The following SP110 variants were observed in gnomAD, a reference collection of about 807,000 sequenced individuals.
SP110 encodes SP110 nuclear body protein, also known as interferon-induced protein 41, 30kD.
In SP110, 62 loss-of-function variants were observed where a neutral mutation model predicts 92.7. That is an observed-to-expected ratio of 0.67 (90% CI 0.55 to 0.83). The LOEUF (loss-of-function observed/expected upper bound fraction) is 0.83, where lower values mean the gene tolerates loss of function less well. Among genes scored for constraint, SP110 ranks in the 40% least tolerant of loss-of-function variants. The probability of loss-of-function intolerance (pLI) is 0.00; values close to 1 mark genes in which losing one functional copy is unlikely to be tolerated. For missense variants in SP110, 793 were observed against 863.9 expected (o/e 0.92, Z 1.03); for synonymous variants, 273 against 305.3 (o/e 0.89, Z 1.10).
intron 8 of SP110, 137 bp downstream of exon 8, chr2:230,207,854 T>C (rs41309106): frequency 0.062 from 40,761 of 659,236 alleles, 1,578 homozygotes; most frequent in Middle Eastern, 0.1. Context: ...GAGCTTACAT[T>C]GTGTCACTTC....
intron 11 of SP110, among the ~76,000 whole-genome samples, chr2:230,184,919 T>G (rs2042287164): frequency 6.6e-6 from 1 of 152,238 alleles, no homozygotes; most frequent in Admixed American, 6.5e-5. Context: ...ACTGCCTGTT[T>G]ATGTAAATAA....
intron 10 of SP110, among the ~76,000 whole-genome samples, chr2:230,199,415 G>A (rs998422567): frequency 6.6e-6 from 1 of 151,408 alleles, no homozygotes; most frequent in African/African-American, 2.4e-5. Context: ...CATCATGCTG[G>A]CCAGGCTGGT....
In SP110 at chr2:230,211,946, C is replaced by A. The variant is rs1474717988; in HGVS notation, c.668-393G>T. 1.3e-5 allele frequency among the ~76,000 whole-genome samples: 2 copies of A among 152,104 alleles called. No homozygotes were observed. Among genetic ancestry groups the A allele is most frequent in the Non-Finnish European group, 2.9e-5 (2 of 68,018 alleles). On this transcript the variant is annotated intron_variant, in intron 5 of 18. Transcript: ENST00000258381. This position sits in a 1 kb window ranked among gnomAD's most constrained non-coding sequence, Gnocchi z 4.2. The stretch of plus-strand genomic sequence containing the variant: ...CATTATGATGATGGTTTGGGGAGGA[C>A]AAGTGATACAATTTGAGAAGCTAAA...
chr2:230,169,999 G>T (rs1488526541), intron 18 of SP110, among the ~76,000 whole-genome samples: 1 of 152,112 alleles, frequency 6.6e-6, no homozygotes, highest in African/African-American at 2.4e-5. Context: ...GAAGGAAGCT[G>T]GGTGGAGATG....
At chr2:230,203,045 C>A in intron 8 of SP110, 1 of 399,514 alleles carries the variant, frequency 2.5e-6, no homozygotes, top group Non-Finnish European at 4.7e-6. Flanking sequence ...GAGGTGGCCA[C>A]ACAGTCTCGT....
chr2:230,221,917 A>T (rs1009031198), upstream of SP110: 5 of 610,180 alleles, frequency 8.2e-6, no homozygotes, highest in African/African-American at 1.8e-5. Flanking sequence ...AGGATGAAAG[A>T]TGTTTATTCT....
intron 3 of SP110, among the ~76,000 whole-genome samples, chr2:230,214,722 T>C (rs1050715014): frequency 6.6e-6 from 1 of 152,216 alleles, no homozygotes; most frequent in Non-Finnish European, 1.5e-5. Context: ...TCCAAATTCA[T>C]AGAACACATA....
In SP110 at chr2:230,214,957, G is replaced by C. The variant is rs1368025095; in HGVS notation, c.309C>G (p.Phe103Leu). The change falls in exon 3 of 19, where the codon TTC (phenylalanine) becomes TTG (leucine). Residue 103 changes from phenylalanine (F) to leucine (L), a missense_variant. Phe to Leu is a conservative substitution (Grantham distance 22). Coordinates refer to ENST00000258381, the MANE Select transcript of SP110 (RefSeq NM_080424.4). ...CTTGAGAAATCTCATTACCACGTTT[G>C]AAGCTTCTGTAAATCGTCACCAGAT... The part of the protein sequence containing the change: ...YPNLVTIYRS[F>L]KRVGASYEWQ... 1 of 1,613,800 alleles carries C rather than the reference G, an allele frequency of 6.2e-7. No individual in the cohort carries two copies. Among genetic ancestry groups the C allele is most frequent in the Non-Finnish European group, 8.5e-7 (1 of 1,179,788 alleles).
In SP110 at chr2:230,212,794, G is replaced by T. The variant is rs750052870; in HGVS notation, c.550C>A (p.Pro184Thr). 1 of 1,614,060 alleles carries T rather than the reference G, an allele frequency of 6.2e-7. No individual in the cohort carries two copies. The highest frequency in any genetic ancestry group is 2.2e-5 in the East Asian group (1 of 44,894). Residue 184 changes from proline (P) to threonine (T), a missense_variant, in exon 4 of 19, where the codon CCT becomes ACT. Transcript: ENST00000258381. ...PSPSDPVLPL[P>T]ALIQEGRSTS... ...CTTCTTCCTTCCTGGATGAGTGCAG[G>T]GAGAGGCAGGACAGGGTCAGATGGG...
In SP110 at chr2:230,165,598, A is replaced by T. The variant is rs1347679467; in HGVS notation, c.*3526T>A. ...GAGTAAAAGCAAAAAAATTAATACT[A>T]ATTCATGTCTGTATTTCAAGAGAGT... On this transcript the variant is annotated 3_prime_UTR_variant, in exon 19 of 19. Transcript: ENST00000258381. Among the ~76,000 whole-genome samples the T allele has an allele frequency of 1.3e-5, 2 of 152,208 alleles. No individual in the cohort carries two copies. Among genetic ancestry groups the T allele is most frequent in the African/African-American group, 4.8e-5 (2 of 41,450 alleles).
upstream of SP110, among the ~76,000 whole-genome samples, chr2:230,224,679 T>C (rs116838700): frequency 6.8e-3 from 1,029 of 152,330 alleles, 12 homozygotes; most frequent in African/African-American, 0.023. Context: ...TGCAAACTTA[T>C]GTATGCAAAT....
At chr2:230,214,101 G>A (rs2044817744) in intron 3 of SP110, 2 of 152,240 alleles carry the variant, frequency 1.3e-5, no homozygotes, top group Admixed American at 1.3e-4. Context: ...TTTGGCCACA[G>A]TGTTTTACTT....
rs182858141 is a variant in SP110 at position 230,208,497 on chromosome 2, G to A, written c.830-438C>T. ...GTCTTAGAAGAGAAGGAGGGAACTC[G>A]GAGAGGAGGGAGACAGATGTAGTTA... On this transcript the variant is annotated intron_variant, in intron 7 of 18. Coordinates refer to ENST00000258381, the MANE Select transcript of SP110 (RefSeq NM_080424.4). 5.3e-5 allele frequency among the ~76,000 whole-genome samples: 8 copies of A among 152,320 alleles called. No homozygotes were observed. The South Asian group carries it at 8.3e-4, about 16-fold the overall frequency.
In SP110 at chr2:230,211,686, C is replaced by T. The variant is rs75231165; in HGVS notation, c.668-133G>A. 128 of 692,084 alleles carry T rather than the reference C, an allele frequency of 1.8e-4. No individual in the cohort carries two copies. In the East Asian group the frequency reaches 3.3e-3, roughly 18 times the overall value. The allele number at this position is 692,084 out of a possible 1,614,324, so 42.9% of individuals were successfully genotyped here. Reference sequence around the variant, plus strand: ...GCAACCAAGGCCTGGGAAAGGATGGCATAGAGTGGGAAAGTAAGCAACCAT... The same window carrying T: ...GCAACCAAGGCCTGGGAAAGGATGGTATAGAGTGGGAAAGTAAGCAACCAT... On this transcript the variant is annotated intron_variant, in intron 5 of 18. Coordinates refer to ENST00000258381, the MANE Select transcript of SP110 (RefSeq NM_080424.4). This position sits in a 1 kb window ranked among gnomAD's most constrained non-coding sequence, Gnocchi z 4.2.
chr2:230,223,918 G>T (rs955951904), upstream of SP110, among the ~76,000 whole-genome samples: 1 of 152,212 alleles, frequency 6.6e-6, no homozygotes, highest in Non-Finnish European at 1.5e-5. Context: ...AGAGCCAGGA[G>T]GCAGGCCGGA....
chr2:230,194,953 C>G (rs553805168), intron 10 of SP110, among the ~76,000 whole-genome samples: 1 of 152,178 alleles, frequency 6.6e-6, no homozygotes, highest in African/African-American at 2.4e-5. Flanking sequence ...GTGCTCCAGG[C>G]ACATGTGGCT....
At chr2:230,181,346 T>C (rs1294728425) in intron 12 of SP110, among the ~76,000 whole-genome samples, 1 of 152,214 alleles carries the variant, frequency 6.6e-6, no homozygotes, top group Non-Finnish European at 1.5e-5. Flanking sequence ...GAGCTGGACA[T>C]ACAGCAACAC....
upstream of SP110, among the ~76,000 whole-genome samples, chr2:230,223,532 T>C (rs1000008767): frequency 2.6e-5 from 4 of 151,882 alleles, no homozygotes; most frequent in East Asian, 5.8e-4. Flanking sequence ...CAGAGTCAGT[T>C]TGGATTACTT....
chr2:230,174,356 G>A (rs989206358), intron 14 of SP110: 3 of 152,166 alleles, frequency 2.0e-5, no homozygotes, highest in African/African-American at 7.2e-5. Context: ...GCCCATTTAC[G>A]CTGTTACTTG....
Sources: allele counts gnomAD v4.1 joint callset (sites outside exome capture counted in the v4.1 genomes callset), GRCh38; gene constraint gnomAD v4.1.1; non-coding constraint Gnocchi (gnomAD v3.1); transcripts MANE v1.5; gene names NCBI Gene and HGNC (gene_info 2026-07-23, HGNC 2026-07-21).